The following RNF130 variants were observed in gnomAD, a reference collection of about 807,000 sequenced individuals.
RNF130 encodes ring finger protein 130.
A neutral mutation model predicts 44.6 loss-of-function variants in RNF130; 21 were observed. The ratio of observed to expected loss-of-function variants is 0.47; its 90% CI spans 0.33 to 0.68. The LOEUF (loss-of-function observed/expected upper bound fraction) is 0.68. Among genes scored for constraint, RNF130 ranks in the 30% least tolerant of loss-of-function variants. The pLI is 0.02. For missense variants in RNF130, 479 were observed against 560.6 expected (o/e 0.85, Z 1.47); for synonymous variants, 214 against 210.4 (o/e 1.02, Z -0.15).
Position 179,929,963 on chromosome 5 carries a change from T to C in RNF130, c.1151-9537A>G, listed in dbSNP as rs191835759. Among the ~76,000 whole-genome samples the C allele has an allele frequency of 1.5e-4, 23 of 152,354 alleles. No individual in the cohort carries two copies. The East Asian group carries it at 4.0e-3, about 27-fold the overall frequency. Reference sequence around the variant, plus strand: ...CATAATTGTTCTCTGTATAAAAGCCTTGCGTATCTTCTCTTACATATATTC... The same window carrying C: ...CATAATTGTTCTCTGTATAAAAGCCCTGCGTATCTTCTCTTACATATATTC... On this transcript the variant is annotated intron_variant, in intron 7 of 7. Transcript: ENST00000522208.
At chr5:179,930,284 C>G (rs1192407220) in intron 7 of RNF130, among the ~76,000 whole-genome samples, 1 of 152,150 alleles carries the variant, frequency 6.6e-6, no homozygotes, top group Non-Finnish European at 1.5e-5. Flanking sequence ...TCTCGAACTC[C>G]TGACCTCGTG....
chr5:180,020,151 C>A (rs1246415917), intron 2 of RNF130, among the ~76,000 whole-genome samples: 1 of 152,058 alleles, frequency 6.6e-6, no homozygotes, highest in African/African-American at 2.4e-5. Flanking sequence ...GATGATGAGG[C>A]CCAGGGAGCA....
intron 7 of RNF130, among the ~76,000 whole-genome samples, chr5:179,926,491 CA>C (rs551038535): frequency 2.0e-5 from 3 of 151,506 alleles, no homozygotes; most frequent in South Asian, 2.1e-4. Flanking sequence ...ATTAAAAATA[CA>C]AAAAAAATTA....
intron 3 of RNF130, among the ~76,000 whole-genome samples, chr5:179,992,505 G>A (rs192056593): frequency 6.6e-6 from 1 of 152,264 alleles, no homozygotes; most frequent in East Asian, 1.9e-4. Flanking sequence ...TTCATTTCCA[G>A]GAGTTGTCTG....
At chr5:180,041,871 G>GT (rs1476137379) in intron 1 of RNF130, among the ~76,000 whole-genome samples, 1 of 152,166 alleles carries the variant, frequency 6.6e-6, no homozygotes, top group East Asian at 1.9e-4. Context: ...GAGCCCAGGA[G>GT]TTTGAGACCA....
chr5:180,063,902 T>C (rs1482657676), intron 1 of RNF130, among the ~76,000 whole-genome samples: 2 of 152,064 alleles, frequency 1.3e-5, no homozygotes, highest in Non-Finnish European at 2.9e-5. Context: ...TTTCATGGAA[T>C]TACATCAAAA....
At chr5:179,927,323 T>C (rs1170951711) in intron 7 of RNF130, among the ~76,000 whole-genome samples, 1 of 139,556 alleles carries the variant, frequency 7.2e-6, no homozygotes, top group African/African-American at 2.6e-5. Context: ...CAACTAATTA[T>C]TATCTTTGTT....
chr5:179,966,073 A>G (rs1263437839), intron 7 of RNF130, among the ~76,000 whole-genome samples: 7 of 152,198 alleles, frequency 4.6e-5, no homozygotes, highest in African/African-American at 1.7e-4. Flanking sequence ...AAGCGAAGAG[A>G]AGAGCTGGCT....
At chr5:180,056,237 A>C (rs925580464) in intron 1 of RNF130, among the ~76,000 whole-genome samples, 26 of 144,146 alleles carry the variant, frequency 1.8e-4, no homozygotes, top group Non-Finnish European at 3.1e-4. Flanking sequence ...TTGAGCCTTA[A>C]GATAGTATCT....
At chr5:180,018,573 T>C (rs1490846455) in intron 2 of RNF130, among the ~76,000 whole-genome samples, 1 of 152,186 alleles carries the variant, frequency 6.6e-6, no homozygotes, top group Non-Finnish European at 1.5e-5. Context: ...AAGGTGAGAT[T>C]TGGGTGGGGA....
rs1289422779 is a variant in RNF130 at position 179,978,202 on chromosome 5, C to T, written c.848+1G>A. On this transcript the variant is annotated splice_donor_variant, in intron 5 of 8. Transcript: ENST00000521389. LOFTEE classifies it high-confidence loss of function. ...TTCTCAAACAAATGAAGTTGACATA[C>T]TTGCAGGGGAGAATTCGGACGACAT... 1 of 1,609,018 alleles carries T rather than the reference C, an allele frequency of 6.2e-7. No homozygotes were observed. Among genetic ancestry groups the T allele is most frequent in the East Asian group, 2.2e-5 (1 of 44,864 alleles).
chr5:180,034,624 GAA>G (rs1764207142), intron 2 of RNF130, among the ~76,000 whole-genome samples: 1 of 152,054 alleles, frequency 6.6e-6, no homozygotes, highest in Admixed American at 6.5e-5. Context: ...TCAGTATACA[GAA>G]AAAAGTAAAC....
intron 1 of RNF130, among the ~76,000 whole-genome samples, chr5:180,054,776 G>A (rs1764768786): frequency 6.6e-6 from 1 of 152,180 alleles, no homozygotes; most frequent in South Asian, 2.1e-4. Context: ...GGTCAATTTG[G>A]AGGGCACAGG....
chr5:179,994,881 C>T (rs909533481), intron 3 of RNF130, among the ~76,000 whole-genome samples: 3 of 152,126 alleles, frequency 2.0e-5, no homozygotes, highest in Non-Finnish European at 4.4e-5. Flanking sequence ...CTTTGTTAAC[C>T]AAGAGAAGTA....
At chr5:179,995,635 T>C (rs1204215474) in intron 3 of RNF130, among the ~76,000 whole-genome samples, 1 of 152,210 alleles carries the variant, frequency 6.6e-6, no homozygotes, top group African/African-American at 2.4e-5. Context: ...TCAATGTCTC[T>C]CAGCTACTCC....
chr5:180,062,580 T>C (rs1254457710), intron 1 of RNF130, among the ~76,000 whole-genome samples: 1 of 152,218 alleles, frequency 6.6e-6, no homozygotes, highest in Non-Finnish European at 1.5e-5. Flanking sequence ...AGATACCATA[T>C]TCCCAAGAAT....
At chr5:180,052,643 G>A (rs1173853408) in intron 1 of RNF130, among the ~76,000 whole-genome samples, 1 of 152,194 alleles carries the variant, frequency 6.6e-6, no homozygotes, top group Non-Finnish European at 1.5e-5. Flanking sequence ...AAAATGTAAT[G>A]ACAGGCCAGG....
intron 3 of RNF130, among the ~76,000 whole-genome samples, chr5:179,987,693 A>G (rs1762986451): frequency 6.6e-6 from 1 of 152,226 alleles, no homozygotes; most frequent in Non-Finnish European, 1.5e-5. Context: ...GTTGAATTTT[A>G]TCAAACGCCT....
intron 5 of RNF130, among the ~76,000 whole-genome samples, chr5:179,975,612 C>T (rs1354226648): frequency 6.6e-6 from 1 of 152,182 alleles, no homozygotes; most frequent in Non-Finnish European, 1.5e-5. Flanking sequence ...GGGAAAGTTA[C>T]AGCTTGGTGA....
Sources: allele counts gnomAD v4.1 joint callset (sites outside exome capture counted in the v4.1 genomes callset), GRCh38; gene constraint gnomAD v4.1.1; transcripts MANE v1.5; gene names NCBI Gene and HGNC (gene_info 2026-07-23, HGNC 2026-07-21).